The following VPS13D variants were observed in gnomAD, a reference collection of about 807,000 sequenced individuals.
VPS13D encodes the protein intermembrane lipid transfer protein VPS13D.
A neutral mutation model predicts 461.9 loss-of-function variants in VPS13D; 187 were observed. That is an observed-to-expected ratio of 0.40 (90% CI 0.36 to 0.46). VPS13D has a LOEUF of 0.46. Among genes scored for constraint, VPS13D ranks in the 20% least tolerant of loss-of-function variants. The pLI is 0.60. For synonymous variants in VPS13D, 1,951 were observed against 1,986.3 expected (o/e 0.98, Z 0.47); for missense variants, 4,711 against 5,364.9 (o/e 0.88, Z 3.81).
chr1:12,374,600 C>T (rs566590344), intron 55 of VPS13D, among the ~76,000 whole-genome samples: 7 of 152,148 alleles, frequency 4.6e-5, no homozygotes, highest in South Asian at 2.1e-4. Context: ...TGGCGTGGTA[C>T]GTTGAGACTA....
rs1470942498 is a variant in VPS13D at position 12,510,170 on chromosome 1, A to G, written c.*1146A>G. On this transcript the variant is annotated 3_prime_UTR_variant, in exon 70 of 70. Coordinates refer to ENST00000620676, the MANE Select transcript of VPS13D (RefSeq NM_015378.4). Reference sequence around the variant, plus strand: ...CATGGAACCAAGATTTGACAAAGGCATCTCTTATCCTTGGTTTTAAATTCC... The same window carrying G: ...CATGGAACCAAGATTTGACAAAGGCGTCTCTTATCCTTGGTTTTAAATTCC... 1.3e-5 allele frequency: 2 copies of G among 152,222 alleles called. No homozygotes were observed. Among genetic ancestry groups the G allele is most frequent in the Non-Finnish European group, 2.9e-5 (2 of 68,048 alleles). 9.4% of individuals were successfully genotyped at this position (152,222 alleles called of 1,614,324 possible). A position where few individuals can be genotyped will look rare whatever the true frequency, so the allele number is the denominator to read the frequency against.
intron 68 of VPS13D, among the ~76,000 whole-genome samples, chr1:12,506,304 G>A (rs972848994): frequency 6.6e-6 from 1 of 152,240 alleles, no homozygotes; most frequent in Non-Finnish European, 1.5e-5. Context: ...AAAGGAAGAT[G>A]ACAGTTTTAC....
chr1:12,355,310 G>T (rs74697283), intron 47 of VPS13D, among the ~76,000 whole-genome samples: 1,752 of 152,274 alleles, frequency 0.012, 34 homozygotes, highest in African/African-American at 0.041. Context: ...CTTTAACAGG[G>T]TGAATGAAGT....
In VPS13D at chr1:12,283,334, T is replaced by C; in HGVS notation, c.5232T>C (p.Ser1744=). The change falls in exon 21 of 70, where the codon TCT becomes TCC. Residue 1744 remains serine (S), a synonymous_variant. Transcript: ENST00000620676. ...TCCAGTTGTATCAAAGGCCCACCTC[T>C]GCGTCCCGGAAAAAGCAAAAGGAAG... The part of the protein sequence containing the change: ...NVFQLYQRPT[S]ASRKKQKEVQ... 1 of 1,614,170 alleles carries C rather than the reference T, an allele frequency of 6.2e-7. No homozygotes were observed. Among genetic ancestry groups the C allele is most frequent in the Non-Finnish European group, 8.5e-7 (1 of 1,180,018 alleles).
intron 38 of VPS13D, 55 bp from the exon 39 acceptor site, chr1:12,335,650 C>T (rs1048601708): frequency 1.9e-5 from 30 of 1,554,866 alleles, no homozygotes; most frequent in Non-Finnish European, 2.6e-5. Context: ...AATTATTTGA[C>T]TCGAACCCTC....
intron 37 of VPS13D, among the ~76,000 whole-genome samples, chr1:12,331,476 G>C (rs1019383993): frequency 6.6e-6 from 1 of 151,952 alleles, no homozygotes; most frequent in Non-Finnish European, 1.5e-5. Context: ...GGGAGGCCGA[G>C]GTGGGCGGAT....
chr1:12,419,417 G>A (rs1358504045), intron 65 of VPS13D, among the ~76,000 whole-genome samples: 2 of 152,168 alleles, frequency 1.3e-5, no homozygotes, highest in African/African-American at 4.8e-5. Context: ...AGAAATACCT[G>A]AGACTGGGTA....
intron 67 of VPS13D, among the ~76,000 whole-genome samples, chr1:12,466,882 A>T (rs1645491085): frequency 6.6e-6 from 1 of 152,222 alleles, no homozygotes; most frequent in African/African-American, 2.4e-5. Context: ...AAGGGAAGGG[A>T]CTGTCAAATA....
rs775717158 is a variant in VPS13D, at chr1:12,260,736, T to G, written c.1154T>G (p.Leu385Trp). The change falls in exon 11 of 70, where the codon TTG becomes TGG. Residue 385 changes from leucine (L) to tryptophan (W), a missense_variant. By Grantham distance (61) the Leu-to-Trp change is moderately conservative. Transcript: ENST00000620676. ...RIEEEQSFEELKILRELVHDR... is the reference protein window; with the variant it reads ...RIEEEQSFEEWKILRELVHDR... Reference sequence around the variant, plus strand: ...GAAGAGGAACAGAGCTTTGAGGAATTGAAGATTTTGCGTGAACTGGTTCAT... The same window carrying G: ...GAAGAGGAACAGAGCTTTGAGGAATGGAAGATTTTGCGTGAACTGGTTCAT... 1.2e-6 allele frequency: 2 copies of G among 1,614,122 alleles called. No homozygotes were observed. Among genetic ancestry groups the G allele is most frequent in the Non-Finnish European group, 1.7e-6 (2 of 1,180,016 alleles).
chr1:12,478,759 C>T (rs754316689), intron 67 of VPS13D: 2 of 456,004 alleles, frequency 4.4e-6, no homozygotes, highest in South Asian at 3.1e-5. Flanking sequence ...AAACGGGACA[C>T]CTTAGTGCTT....
chr1:12,447,361 G>A (rs1365385759), intron 65 of VPS13D, among the ~76,000 whole-genome samples: 1 of 152,152 alleles, frequency 6.6e-6, no homozygotes, highest in Non-Finnish European at 1.5e-5. Context: ...TCTGTAAAAT[G>A]AGCATAATAA....
chr1:12,255,668 G>A (rs376904501), intron 7 of VPS13D, among the ~76,000 whole-genome samples: 52 of 151,832 alleles, frequency 3.4e-4, no homozygotes, highest in African/African-American at 1.1e-3. Context: ...TGAGGTGGGC[G>A]GATCACAAGG....
intron 1 of VPS13D, among the ~76,000 whole-genome samples, chr1:12,233,723 G>A (rs1640058417): frequency 1.3e-5 from 2 of 152,154 alleles, no homozygotes; most frequent in African/African-American, 4.8e-5. Flanking sequence ...TACTGATGGG[G>A]ACATCTTACA....
At chr1:12,285,491 T>C (rs1641941042) in intron 21 of VPS13D, among the ~76,000 whole-genome samples, 1 of 152,012 alleles carries the variant, frequency 6.6e-6, no homozygotes, top group Non-Finnish European at 1.5e-5. Flanking sequence ...AGTTTAATCA[T>C]GTTGGTCAGG....
At chr1:12,458,259 A>T (rs559453035) in intron 66 of VPS13D, among the ~76,000 whole-genome samples, 1 of 152,288 alleles carries the variant, frequency 6.6e-6, no homozygotes, top group South Asian at 2.1e-4. Flanking sequence ...TAAGAACCAG[A>T]ATCCACTCAA....
chr1:12,507,233 G>C lies in VPS13D; in HGVS notation c.13035+140G>C, dbSNP rs1201718444. ...CCCAGGAGTGCTGCCTCTCAGTCCT[G>C]AACATGGGAGGGGCCCAGGGTATGT... On this transcript the variant is annotated intron_variant, in intron 69 of 69. Coordinates refer to ENST00000620676, the MANE Select transcript of VPS13D (RefSeq NM_015378.4). The surrounding 1 kb of genome is among the most constrained non-coding windows in gnomAD (Gnocchi z 5.3). The C allele has an allele frequency of 2.7e-6, 4 of 1,456,104 alleles. No homozygotes were observed. In the South Asian group the frequency reaches 4.6e-5, roughly 17 times the overall value. The allele number at this position is 1,456,104 out of a possible 1,614,324, so 90.2% of individuals were successfully genotyped here.
At chr1:12,377,549 G>A (rs953947317) in intron 55 of VPS13D, among the ~76,000 whole-genome samples, 1 of 151,804 alleles carries the variant, frequency 6.6e-6, no homozygotes, top group South Asian at 2.1e-4. Flanking sequence ...GCCAGGCACG[G>A]TAGCTCATGC....
chr1:12,394,016 C>T (rs148129703), intron 60 of VPS13D, among the ~76,000 whole-genome samples: 20 of 152,156 alleles, frequency 1.3e-4, no homozygotes, highest in African/African-American at 2.2e-4. Context: ...CCTGTATCCG[C>T]GAAATGTCTG....
At chr1:12,508,481 G>A (rs1013490440) in intron 69 of VPS13D, among the ~76,000 whole-genome samples, 4 of 151,220 alleles carry the variant, frequency 2.6e-5, no homozygotes, top group Non-Finnish European at 4.4e-5. Flanking sequence ...CGAGGCGGGC[G>A]GATCACGAGG....
Sources: allele counts gnomAD v4.1 joint callset (sites outside exome capture counted in the v4.1 genomes callset), GRCh38; gene constraint gnomAD v4.1.1; non-coding constraint Gnocchi (gnomAD v3.1); transcripts MANE v1.5; gene names NCBI Gene and HGNC (gene_info 2026-07-23, HGNC 2026-07-21).